Variants in KIF26B observed in about 807,000 individuals in gnomAD.
KIF26B encodes kinesin family member 26B, also known as kinesin-like protein KIF26B.
In KIF26B, 63 loss-of-function variants were observed where a neutral mutation model predicts 151.2. The ratio of observed to expected loss-of-function variants is 0.42; its 90% confidence interval spans 0.34 to 0.51. The LOEUF is 0.51. KIF26B is among the 20% of genes least tolerant of loss of function. KIF26B has a pLI of 0.07. For synonymous variants in KIF26B, 1,357 were observed against 1,262.1 expected, an observed-to-expected ratio of 1.08 and a Z score of -1.59; for missense variants, 2,813 against 2,913.6, an observed-to-expected ratio of 0.97 and a Z score of 0.79.
rs1466360056 is a variant in KIF26B, at chr1:245,367,182, G to A, written c.814G>A (p.Gly272Arg). ...NKHGSKPSSLGVSNGAEKKSG... is the reference protein window; with the variant it reads ...NKHGSKPSSLRVSNGAEKKSG... ...GCACGGCAGCAAACCCAGCAGCCTT[G>A]GGGTCAGCAATGGGGCGGAAAAGAA... The change falls in exon 3 of 15, where the codon GGG becomes AGG. Residue 272 changes from glycine to arginine, a missense_variant. Gly to Arg is a moderately radical substitution (Grantham distance 125). Around this residue, in one of 3 missense-constraint regions of KIF26B, gnomAD observed 676 missense variants for 688.1 expected, o/e 0.98. Transcript: ENST00000407071. This position sits in a 1 kb window ranked among gnomAD's most constrained non-coding sequence, Gnocchi z 4.2. 1 of 1,608,134 alleles carries A rather than the reference G, an allele frequency of 6.2e-7. No homozygotes were observed. The highest frequency in any genetic ancestry group is 2.2e-5 in the East Asian group (1 of 44,584).
intron 2 of KIF26B, among the ~76,000 whole-genome samples, chr1:245,287,715 C>G (rs1671191479): frequency 6.6e-6 from 1 of 151,980 alleles, no homozygotes; most frequent in Non-Finnish European, 1.5e-5. Flanking sequence ...ATTGATCAGG[C>G]TGGTCTCAAA....
chr1:245,529,435 C>T (rs1286240099), intron 4 of KIF26B, among the ~76,000 whole-genome samples: 1 of 152,152 alleles, frequency 6.6e-6, no homozygotes, highest in Admixed American at 6.5e-5. Context: ...ACAAAAGCCC[C>T]CAGCAAGGCA....
chr1:245,412,918 C>T (rs1039691614), intron 3 of KIF26B, among the ~76,000 whole-genome samples: 3 of 152,188 alleles, frequency 2.0e-5, no homozygotes, highest in African/African-American at 7.2e-5. Context: ...TGCGCAGACA[C>T]ACATGTGCAC....
At chr1:245,520,367 G>T (rs1661064774) in intron 4 of KIF26B, among the ~76,000 whole-genome samples, 1 of 152,176 alleles carries the variant, frequency 6.6e-6, no homozygotes, top group South Asian at 2.1e-4. Context: ...ACAGACTAAT[G>T]ATAATGTGGA....
At chr1:245,547,073 G>T (rs1174357155) in intron 5 of KIF26B, among the ~76,000 whole-genome samples, 1 of 152,232 alleles carries the variant, frequency 6.6e-6, no homozygotes, top group Non-Finnish European at 1.5e-5. Context: ...TGCTAGCGCC[G>T]CCCCAGGCGC....
intron 4 of KIF26B, among the ~76,000 whole-genome samples, chr1:245,438,204 C>G (rs751964383): frequency 6.6e-6 from 1 of 152,124 alleles, no homozygotes; most frequent in Non-Finnish European, 1.5e-5. Context: ...ACAGAGCTCC[C>G]AAAAGCGAGG....
intron 2 of KIF26B, among the ~76,000 whole-genome samples, chr1:245,315,438 A>G (rs567911949): frequency 6.6e-6 from 1 of 151,794 alleles, no homozygotes; most frequent in Non-Finnish European, 1.5e-5. Flanking sequence ...AAGAAAAAAA[A>G]AGGCCGGGTG....
At chr1:245,278,814 A>C (rs759363342) in intron 2 of KIF26B, among the ~76,000 whole-genome samples, 8 of 152,184 alleles carry the variant, frequency 5.3e-5, no homozygotes, top group Non-Finnish European at 1.0e-4. Flanking sequence ...AGCTTTTAGA[A>C]AGTTAGCTCA....
intron 2 of KIF26B, among the ~76,000 whole-genome samples, chr1:245,261,258 G>C (rs990659584): frequency 5.9e-5 from 9 of 151,692 alleles, no homozygotes; most frequent in African/African-American, 1.9e-4. Flanking sequence ...CAGTTCTCCT[G>C]CCTCAGCCTC....
intron 2 of KIF26B, among the ~76,000 whole-genome samples, chr1:245,246,890 C>CAG (rs1413321104): frequency 7.0e-5 from 10 of 142,618 alleles, no homozygotes; most frequent in Non-Finnish European, 1.4e-4. Flanking sequence ...CACACACACA[C>CAG]ACAGACACAC....
rs540520235 is a variant in KIF26B, at chr1:245,546,280, G to A, written c.1350+5330G>A. Among the ~76,000 whole-genome samples, 17 of 152,118 alleles carry A rather than the reference G, an allele frequency of 1.1e-4. No homozygotes were observed. The South Asian group carries it at 3.1e-3, about 28-fold the overall frequency. ...TGCCCAGGCTGGAGTGCAATGGCAC[G>A]ATCTTGGCTCACTGCAACCTCCACC... On this transcript the variant is annotated intron_variant, in intron 5 of 14. Transcript: ENST00000407071.
At chr1:245,349,260 C>T (rs1024187350) in intron 2 of KIF26B, among the ~76,000 whole-genome samples, 1 of 152,194 alleles carries the variant, frequency 6.6e-6, no homozygotes, top group African/African-American at 2.4e-5. Context: ...AATAGATTCA[C>T]ATTGATACTT....
At chr1:245,665,465 C>G (rs960899728) in intron 10 of KIF26B, among the ~76,000 whole-genome samples, 1 of 152,162 alleles carries the variant, frequency 6.6e-6, no homozygotes, top group African/African-American at 2.4e-5. Flanking sequence ...ACTTGACAGG[C>G]AGCAAAGAGA....
intron 4 of KIF26B, among the ~76,000 whole-genome samples, chr1:245,517,938 T>A (rs1572101869): frequency 6.6e-6 from 1 of 150,600 alleles, no homozygotes; most frequent in East Asian, 2.0e-4. Context: ...AGTGGCACGA[T>A]CTCGGCTCAC....
chr1:245,186,909 T>C (rs1308109757), intron 2 of KIF26B, among the ~76,000 whole-genome samples: 1 of 151,816 alleles, frequency 6.6e-6, no homozygotes, highest in Non-Finnish European at 1.5e-5. Flanking sequence ...CAGGCTGGAG[T>C]GCAATGGCGC....
chr1:245,261,550 T>G (rs560918447), intron 2 of KIF26B, among the ~76,000 whole-genome samples: 1 of 126,322 alleles, frequency 7.9e-6, no homozygotes, highest in Non-Finnish European at 1.6e-5. Flanking sequence ...CCTCTCTCCC[T>G]CCCTCCGTCT....
At chr1:245,179,232 C>T (rs901459976) in intron 2 of KIF26B, among the ~76,000 whole-genome samples, 3 of 152,196 alleles carry the variant, frequency 2.0e-5, no homozygotes, top group East Asian at 1.9e-4. Flanking sequence ...GAAAGATCCA[C>T]GTGACCTCAT....
At chr1:245,269,194 T>C (rs1573743743) in intron 2 of KIF26B, among the ~76,000 whole-genome samples, 2 of 137,668 alleles carry the variant, frequency 1.5e-5, no homozygotes, top group Non-Finnish European at 3.1e-5. Flanking sequence ...ACGGCTCCTC[T>C]CCCCCTCCTC....
At chr1:245,449,941 C>T (rs763353847) in intron 4 of KIF26B, among the ~76,000 whole-genome samples, 11 of 152,318 alleles carry the variant, frequency 7.2e-5, no homozygotes, top group Non-Finnish European at 1.2e-4. Context: ...TGCAAGTGGA[C>T]TTACCCTACG....
Sources: gnomAD v4.1 joint callset for allele counts (sites outside exome capture counted in the v4.1 genomes callset) on GRCh38, gnomAD v4.1.1 for gene constraint, gnomAD v4.1.1 regional missense constraint, Gnocchi (gnomAD v3.1) non-coding constraint, MANE v1.5 for transcripts, NCBI Gene and HGNC (gene_info 2026-07-23, HGNC 2026-07-21) for gene names.